Variants in AK7 observed in about 807,000 individuals in gnomAD.
The protein encoded by AK7 is ATP-AMP transphosphorylase 7.
In AK7, 78 loss-of-function variants were observed where a neutral mutation model predicts 96.6. That is an observed-to-expected ratio of 0.81 (90% confidence interval 0.67 to 0.97). AK7 has a LOEUF of 0.97. Ranked by LOEUF, AK7 falls within the 50% of genes least tolerant of loss-of-function variation. The probability of loss-of-function intolerance (pLI) is 0.00; values close to 1 mark genes in which losing one functional copy is unlikely to be tolerated. For synonymous variants in AK7, 302 were observed against 317.2 expected (o/e 0.95, Z 0.51); for missense variants, 855 against 887.9 (o/e 0.96, Z 0.47).
intron 5 of AK7, chr14:96,423,894 C>T: frequency 2.0e-6 from 2 of 996,816 alleles, no homozygotes; most frequent in East Asian, 2.4e-5. Flanking sequence ...AGACCCCGAG[C>T]CCACATAATC....
At chr14:96,465,781 G>C (rs377645274) in intron 12 of AK7, among the ~76,000 whole-genome samples, 198 of 152,204 alleles carry the variant, frequency 1.3e-3, no homozygotes, top group African/African-American at 4.6e-3. Flanking sequence ...GGAGGCCGAG[G>C]CAGGCAGATC....
At position 96,408,945 on chromosome 14, in the gene AK7, A is replaced by T. The variant is rs758474372; in HGVS notation, c.498+4A>T. ...GCGCTCCAAAGCCCTGGACCCCGTA[A>T]GTAGAGCGTTAGCTTTCCTTTAGGT... On this transcript the variant is annotated splice_donor_region_variant and intron_variant, in intron 4 of 17. Transcript: ENST00000267584. 37 of 1,613,740 alleles carry T rather than the reference A, an allele frequency of 2.3e-5. No homozygotes were observed. The highest frequency in any genetic ancestry group is 3.1e-5 in the Non-Finnish European group (36 of 1,179,734).
rs1891450098 is a variant in AK7, at chr14:96,418,132, G to T, written c.499-2690G>T. Reference sequence around the variant, plus strand: ...GAGACCAGGAGTTTGAGACCAGTCTGGACATCACAATGAGACCCTGCCTTT... The same window carrying T: ...GAGACCAGGAGTTTGAGACCAGTCTTGACATCACAATGAGACCCTGCCTTT... On this transcript the variant is annotated intron_variant, in intron 4 of 17. Transcript: ENST00000267584. Among the ~76,000 whole-genome samples, 5 of 150,878 alleles carry T rather than the reference G, an allele frequency of 3.3e-5. No individual in the cohort carries two copies. In the Admixed American group the frequency reaches 3.3e-4, roughly 10 times the overall value.
intron 4 of AK7, among the ~76,000 whole-genome samples, chr14:96,414,246 AG>A (rs1415303406): frequency 6.6e-6 from 1 of 152,130 alleles, no homozygotes; most frequent in East Asian, 1.9e-4. Flanking sequence ...AGGCCTGTGG[AG>A]GGGAGAGAAA....
chr14:96,407,575 CTTTTCTT>C (rs1890782983), intron 3 of AK7, among the ~76,000 whole-genome samples: 7 of 54,784 alleles, frequency 1.3e-4, no homozygotes, highest in Admixed American at 2.2e-4. Flanking sequence ...TTCTTTCTTT[CTTTTCTT>C]TTTTTTTTTT....
intron 10 of AK7, among the ~76,000 whole-genome samples, chr14:96,452,238 A>G (rs1256628259): frequency 6.6e-6 from 1 of 152,238 alleles, no homozygotes; most frequent in Non-Finnish European, 1.5e-5. Context: ...GTTAACTCAC[A>G]CACTTATCAT....
intron 16 of AK7, among the ~76,000 whole-genome samples, chr14:96,485,640 A>G (rs1250593002): frequency 6.6e-6 from 1 of 152,042 alleles, no homozygotes; most frequent in Non-Finnish European, 1.5e-5. Flanking sequence ...TTAATTCATG[A>G]TTTATTTTTT....
intron 12 of AK7, among the ~76,000 whole-genome samples, chr14:96,462,667 G>T (rs1431120338): frequency 6.6e-6 from 1 of 152,082 alleles, no homozygotes; most frequent in Non-Finnish European, 1.5e-5. Context: ...GGTGATCATT[G>T]GACTATCAAC....
chr14:96,432,202 CTTTTTT>C (rs71103525), intron 5 of AK7, among the ~76,000 whole-genome samples: 15 of 101,192 alleles, frequency 1.5e-4, no homozygotes, highest in Non-Finnish European at 2.9e-4. Flanking sequence ...GCAACCCCTG[CTTTTTT>C]TTTTTTTTTT....
chr14:96,393,683 A>C (rs760671848), intron 1 of AK7, among the ~76,000 whole-genome samples: 9 of 152,208 alleles, frequency 5.9e-5, no homozygotes, highest in Non-Finnish European at 1.0e-4. Flanking sequence ...ACCCTATCCA[A>C]TATGGCTTCA....
intron 3 of AK7, among the ~76,000 whole-genome samples, chr14:96,408,573 T>C (rs1327639157): frequency 6.6e-6 from 1 of 152,214 alleles, no homozygotes; most frequent in Admixed American, 6.5e-5. Flanking sequence ...ATCAGGCAAC[T>C]GATGAGCATA....
chr14:96,472,755 G>C lies in AK7; in HGVS notation c.1555G>C (p.Glu519Gln), dbSNP rs771613290. Reference sequence around the variant, plus strand: ...TCCCTTTGATAAATTAATTATACCTGGTAAGTTTATTTCCCTAAGATCACA... The same window carrying C: ...TCCCTTTGATAAATTAATTATACCTCGTAAGTTTATTTCCCTAAGATCACA... ...MFPFDKLIIP[E>Q]FVCALDASDE... is the part of the protein sequence containing the mutation. The change falls in exon 14 of 18, where the codon GAA (glutamate) becomes CAA (glutamine). Residue 519 changes from glutamate (E) to glutamine (Q), a missense_variant and splice_region_variant. Coordinates refer to ENST00000267584, the MANE Select transcript of AK7 (RefSeq NM_152327.5). 3 of 1,608,198 alleles carry C rather than the reference G, an allele frequency of 1.9e-6. No homozygotes were observed. The South Asian group carries it at 3.3e-5, about 18-fold the overall frequency.
At chr14:96,452,100 A>G (rs1476562786) in intron 10 of AK7, among the ~76,000 whole-genome samples, 3 of 152,188 alleles carry the variant, frequency 2.0e-5, no homozygotes, top group Non-Finnish European at 2.9e-5. Context: ...TTCAAGGTAG[A>G]TATTCTTTTT....
In AK7 at chr14:96,472,758, A is replaced by G. The variant is rs772849699; in HGVS notation, c.1555+3A>G. Reference sequence around the variant, plus strand: ...CTTTGATAAATTAATTATACCTGGTAAGTTTATTTCCCTAAGATCACATTT... The same window carrying G: ...CTTTGATAAATTAATTATACCTGGTGAGTTTATTTCCCTAAGATCACATTT... On this transcript the variant is annotated splice_donor_region_variant and intron_variant, in intron 14 of 17. Coordinates refer to ENST00000267584, the MANE Select transcript of AK7 (RefSeq NM_152327.5). 5.8e-5 allele frequency: 93 copies of G among 1,607,368 alleles called. 1 individual carries two copies. The highest frequency in any genetic ancestry group is 7.4e-5 in the Non-Finnish European group (87 of 1,174,338).
intron 12 of AK7, among the ~76,000 whole-genome samples, chr14:96,461,172 A>G (rs1183285561): frequency 6.6e-6 from 1 of 152,166 alleles, no homozygotes; most frequent in East Asian, 1.9e-4. Context: ...TAGAGAGTCT[A>G]AAAGAGTGGA....
rs182802038 is a variant in AK7, at chr14:96,434,851, G to A, written c.610-2984G>A. Among the ~76,000 whole-genome samples the A allele has an allele frequency of 1.7e-3, 256 of 152,228 alleles. 3 individuals carry two copies. In the Middle Eastern group the frequency reaches 0.017, roughly 10 times the overall value. On this transcript the variant is annotated intron_variant, in intron 5 of 17. Coordinates refer to ENST00000267584, the MANE Select transcript of AK7 (RefSeq NM_152327.5). ...TTCCCTCTTCTTTCCAAAGACAGAGGAGCCTCATCCAGTAGCCACCCCAGG... is the reference window on the plus strand; with the variant it reads ...TTCCCTCTTCTTTCCAAAGACAGAGAAGCCTCATCCAGTAGCCACCCCAGG...
At chr14:96,447,858 C>T (rs762970032) in intron 8 of AK7, among the ~76,000 whole-genome samples, 3 of 152,170 alleles carry the variant, frequency 2.0e-5, no homozygotes, top group African/African-American at 7.2e-5. Flanking sequence ...AGCTACCATG[C>T]GGCCCAGCTA....
In AK7 at chr14:96,419,244, A is replaced by G. The variant is rs557434601; in HGVS notation, c.499-1578A>G. The stretch of plus-strand genomic sequence containing the variant: ...TTTAAAGCCAGAGTCAGTGACCTGC[A>G]CATGCAATGTCCTTTTTAACATGTT... On this transcript the variant is annotated intron_variant, in intron 4 of 17. Transcript: ENST00000267584. 2.2e-3 allele frequency among the ~76,000 whole-genome samples: 342 copies of G among 152,358 alleles called. 3 individuals carry two copies. Among genetic ancestry groups the G allele is most frequent in the Middle Eastern group, 0.02 (6 of 294 alleles).
chr14:96,404,756 G>A lies in AK7; in HGVS notation c.295-1G>A. 1 of 1,587,922 alleles carries A rather than the reference G, an allele frequency of 6.3e-7. No homozygotes were observed. Among genetic ancestry groups the A allele is most frequent in the Non-Finnish European group, 8.6e-7 (1 of 1,159,176 alleles). On this transcript the variant is annotated splice_acceptor_variant, in intron 2 of 17. Transcript: ENST00000267584. LOFTEE classifies it high-confidence loss of function. ...AAATGGCTGTCAATTTTCTTTTTCA[G>A]GCCATCTCTCGAGAAGACCTTCTCA...
Sources: allele counts gnomAD v4.1 joint callset (sites outside exome capture counted in the v4.1 genomes callset), GRCh38; gene constraint gnomAD v4.1.1; transcripts MANE v1.5; gene names NCBI Gene and HGNC (gene_info 2026-07-23, HGNC 2026-07-21).